TBC1D32: variants seen among roughly 807,000 people sequenced by gnomAD.
The protein encoded by TBC1D32 is protein broad-minded.
Under a neutral mutation model 170.3 loss-of-function variants are expected in TBC1D32, and 151 were observed. The observed-to-expected ratio is 0.89, with a 90% CI of 0.78 to 1.01. TBC1D32 has a LOEUF of 1.01. TBC1D32 is among the 50% of genes least tolerant of loss of function. The pLI, the probability that TBC1D32 is intolerant of heterozygous loss-of-function variation, is 0.00. For synonymous variants in TBC1D32, 498 were observed against 488.0 expected (o/e 1.02, Z -0.27); for missense variants, 1,464 against 1,457.1 (o/e 1.00, Z -0.08).
rs565299735 is a variant in TBC1D32, at chr6:121,188,243, T to G, written c.2570+16832A>C. On this transcript the variant is annotated intron_variant, in intron 22 of 31. Transcript: ENST00000398212. ...CATAATGAGCACTATATTAGTATTA[T>G]GCAGTAGCAGAGGTTAGCAGTATAT... Among the ~76,000 whole-genome samples, 105 of 152,288 alleles carry G rather than the reference T, an allele frequency of 6.9e-4. 3 individuals are homozygous for G. The South Asian group carries it at 0.02, about 30-fold the overall frequency.
chr6:121,245,718 G>A (rs755120783), intron 17 of TBC1D32, among the ~76,000 whole-genome samples: 25 of 152,020 alleles, frequency 1.6e-4, no homozygotes, highest in Non-Finnish European at 2.8e-4. Flanking sequence ...CAGCCCCACG[G>A]GAGGAGCAAA....
intron 15 of TBC1D32, among the ~76,000 whole-genome samples, chr6:121,264,043 C>G (rs767917460): frequency 2.6e-5 from 4 of 151,626 alleles, no homozygotes; most frequent in Admixed American, 6.6e-5. Context: ...GAATCAAGAG[C>G]AAACAAATAC....
intron 26 of TBC1D32, among the ~76,000 whole-genome samples, chr6:121,119,108 C>T (rs1419385670): frequency 2.0e-5 from 3 of 152,156 alleles, no homozygotes; most frequent in Non-Finnish European, 4.4e-5. Flanking sequence ...ACACTGATGT[C>T]ATTTTCTACT....
At chr6:121,156,594 A>T (rs935533954) in intron 24 of TBC1D32, among the ~76,000 whole-genome samples, 13 of 151,750 alleles carry the variant, frequency 8.6e-5, no homozygotes, top group African/African-American at 3.1e-4. Context: ...CATTTCCTCT[A>T]GGTATGATGT....
chr6:121,241,868 A>G (rs557285469), intron 18 of TBC1D32, among the ~76,000 whole-genome samples: 5 of 152,302 alleles, frequency 3.3e-5, no homozygotes, highest in South Asian at 2.1e-4. Context: ...CTTCACTGAC[A>G]TATACATTTA....
intron 1 of TBC1D32, among the ~76,000 whole-genome samples, chr6:121,323,431 C>T (rs1810023815): frequency 6.6e-6 from 1 of 152,144 alleles, no homozygotes; most frequent in Admixed American, 6.5e-5. Context: ...ATACCAATAC[C>T]TCATACCATG....
At chr6:121,194,848 A>G (rs1355156107) in intron 22 of TBC1D32, among the ~76,000 whole-genome samples, 1 of 152,218 alleles carries the variant, frequency 6.6e-6, no homozygotes, top group African/African-American at 2.4e-5. Context: ...CATTATGCCT[A>G]TTGGATCCAG....
At chr6:121,311,074 T>C (rs143173138) in intron 3 of TBC1D32, among the ~76,000 whole-genome samples, 7 of 152,244 alleles carry the variant, frequency 4.6e-5, no homozygotes, top group Admixed American at 4.6e-4. Flanking sequence ...AACTATTATT[T>C]GCCAAGCAAT....
At chr6:121,172,924 T>C (rs182836359) in intron 22 of TBC1D32, among the ~76,000 whole-genome samples, 11 of 152,294 alleles carry the variant, frequency 7.2e-5, no homozygotes, top group Non-Finnish European at 1.2e-4. Flanking sequence ...GTTGCCTTTA[T>C]TTGAAGATTA....
intron 20 of TBC1D32, among the ~76,000 whole-genome samples, chr6:121,237,359 T>G (rs904900933): frequency 6.6e-6 from 1 of 151,976 alleles, no homozygotes; most frequent in African/African-American, 2.4e-5. Flanking sequence ...TGAGCCTTAG[T>G]GTAGTTTCCT....
At position 121,252,913 on chromosome 6, in the gene TBC1D32, GA is replaced by G. The variant is rs577876714; in HGVS notation, c.2018+2414del. Reference sequence around the variant, plus strand: ...GAAAACTGGCAAGCCACATGTAGAAGAAAGAACCAGATCCTCATCTCTCACC... The same window carrying G: ...GAAAACTGGCAAGCCACATGTAGAAGAAGAACCAGATCCTCATCTCTCACC... On this transcript the variant is annotated intron_variant, in intron 17 of 31. Coordinates refer to ENST00000398212, the MANE Select transcript of TBC1D32 (RefSeq NM_152730.6). Among the ~76,000 whole-genome samples the G allele has an allele frequency of 1.1e-3, 172 of 152,168 alleles. 1 individual carries two copies. Among genetic ancestry groups the G allele is most frequent in the African/African-American group, 4.0e-3 (166 of 41,536 alleles).
intron 27 of TBC1D32, 48 bp downstream of exon 27, chr6:121,115,124 A>C: frequency 8.1e-6 from 12 of 1,479,922 alleles, no homozygotes; most frequent in Non-Finnish European, 1.1e-5. Context: ...TGAGGCAGAT[A>C]AAACAAATTC....
intron 8 of TBC1D32, among the ~76,000 whole-genome samples, chr6:121,303,999 T>C (rs1468701768): frequency 1.3e-5 from 2 of 151,930 alleles, no homozygotes; most frequent in Non-Finnish European, 2.9e-5. Context: ...CAACTTAGTA[T>C]AAATTTTAGA....
intron 17 of TBC1D32, among the ~76,000 whole-genome samples, chr6:121,253,610 T>C (rs754574501): frequency 4.0e-5 from 6 of 151,850 alleles, no homozygotes; most frequent in Non-Finnish European, 7.4e-5. Flanking sequence ...TCCCAGCTCC[T>C]CAGGAGGCTG....
At chr6:121,222,271 T>C (rs75059983) in intron 21 of TBC1D32, among the ~76,000 whole-genome samples, 3,671 of 152,210 alleles carry the variant, frequency 0.024, 166 homozygotes, top group East Asian at 0.12. Flanking sequence ...AACAAAAAAT[T>C]TGTGTGACTT....
chr6:121,084,520 C>T (rs1224677179), intron 31 of TBC1D32, among the ~76,000 whole-genome samples: 1 of 152,060 alleles, frequency 6.6e-6, no homozygotes, highest in Non-Finnish European at 1.5e-5. Context: ...CCAGTCTCTG[C>T]TCCTCAACCC....
intron 26 of TBC1D32, among the ~76,000 whole-genome samples, chr6:121,120,164 C>T (rs569855290): frequency 1.9e-4 from 29 of 151,960 alleles, no homozygotes; most frequent in Non-Finnish European, 3.5e-4. Context: ...CAGAAAGTCA[C>T]TTCATTTTTT....
Position 121,307,956 on chromosome 6 carries a change from T to C in TBC1D32, c.690+20A>G. On this transcript the variant is annotated intron_variant, in intron 5 of 31. Coordinates refer to ENST00000398212, the MANE Select transcript of TBC1D32 (RefSeq NM_152730.6). ...TGGGAAAACAAATTATTTTTAATAT[T>C]TCTATAACCATTTTCTTACACTAAA... is the stretch of plus-strand genomic sequence containing the variant. 1 of 1,601,676 alleles carries C rather than the reference T, an allele frequency of 6.2e-7. No homozygotes were observed. Among genetic ancestry groups the C allele is most frequent in the Non-Finnish European group, 8.5e-7 (1 of 1,175,538 alleles).
intron 31 of TBC1D32, among the ~76,000 whole-genome samples, chr6:121,086,079 C>A (rs1046687785): frequency 2.6e-5 from 4 of 152,036 alleles, no homozygotes; most frequent in Middle Eastern, 3.2e-3. Flanking sequence ...CTCTACATAT[C>A]TTCTTCTGTT....
Sources: gnomAD v4.1 joint callset for allele counts (sites outside exome capture counted in the v4.1 genomes callset) on GRCh38, gnomAD v4.1.1 for gene constraint, MANE v1.5 for transcripts, NCBI Gene and HGNC (gene_info 2026-07-23, HGNC 2026-07-21) for gene names.